Variants in EPS15 observed in about 807,000 individuals in gnomAD.
EPS15 encodes the protein epidermal growth factor receptor substrate 15.
A neutral mutation model predicts 113.8 loss-of-function variants in EPS15; 72 were observed. The observed-to-expected ratio is 0.63, with a 90% CI of 0.52 to 0.77. EPS15 has a LOEUF of 0.77. Among genes scored for constraint, EPS15 ranks in the 30% least tolerant of loss-of-function variants. EPS15 has a pLI of 0.00. For synonymous variants in EPS15, 344 were observed against 363.4 expected (o/e 0.95, Z 0.61); for missense variants, 1,048 against 1,045.8 (o/e 1.00, Z -0.03).
At chr1:51,496,387 C>G (rs914303577) in intron 1 of EPS15, among the ~76,000 whole-genome samples, 2 of 152,176 alleles carry the variant, frequency 1.3e-5, no homozygotes, top group African/African-American at 4.8e-5. Flanking sequence ...TGATAACACT[C>G]AGAGAAGTAT....
chr1:51,418,297 C>T (rs1486965988), intron 13 of EPS15, among the ~76,000 whole-genome samples: 1 of 152,008 alleles, frequency 6.6e-6, no homozygotes, highest in East Asian at 1.9e-4. Context: ...TCTGTCTGTC[C>T]ATCTGTCCTT....
chr1:51,408,452 A>T, intron 14 of EPS15, 120 bp from the exon 15 acceptor site: 1 of 677,030 alleles, frequency 1.5e-6, no homozygotes, highest in Non-Finnish European at 2.5e-6. Flanking sequence ...TTTTGACAGC[A>T]ATAGCAAATA....
intron 8 of EPS15, among the ~76,000 whole-genome samples, chr1:51,457,227 CAGTG>C (rs901995080): frequency 6.6e-6 from 1 of 152,038 alleles, no homozygotes; most frequent in African/African-American, 2.4e-5. Context: ...GCGGAGCTTG[CAGTG>C]AGCTGAGATC....
At chr1:51,449,599 T>C (rs1293605744) in intron 8 of EPS15, among the ~76,000 whole-genome samples, 2 of 151,776 alleles carry the variant, frequency 1.3e-5, no homozygotes, top group African/African-American at 4.9e-5. Context: ...TCATTGTTCT[T>C]TGTTAAAGAT....
intron 10 of EPS15, 85 bp from the exon 11 acceptor site, chr1:51,445,130 A>C (rs1652913530): frequency 1.6e-6 from 2 of 1,270,772 alleles, no homozygotes; most frequent in African/African-American, 3.0e-5. Context: ...CAGCTTTTTT[A>C]AAATAATGAG....
At chr1:51,403,266 T>C (rs571192544) in intron 17 of EPS15, among the ~76,000 whole-genome samples, 153 bp downstream of exon 17, 1 of 152,326 alleles carries the variant, frequency 6.6e-6, no homozygotes, top group East Asian at 1.9e-4. Context: ...TTTTGTTACA[T>C]GGCTATATTG....
rs1168660825 is a variant in EPS15, at chr1:51,465,469, C to A, written c.310-143G>T. ...AGGACACTATTTTACATTTACTAGACCATCTAAATAACAATGAAACAAAGT... is the reference window on the plus strand; with the variant it reads ...AGGACACTATTTTACATTTACTAGAACATCTAAATAACAATGAAACAAAGT... On this transcript the variant is annotated intron_variant, in intron 5 of 24. Coordinates refer to ENST00000371733, the MANE Select transcript of EPS15 (RefSeq NM_001981.3). 5.9e-6 allele frequency: 3 copies of A among 505,412 alleles called. No individual in the cohort carries two copies. The Admixed American group carries it at 1.1e-4, about 19-fold the overall frequency. The allele number at this position is 505,412 out of a possible 1,614,324, so 31.3% of individuals were successfully genotyped here.
chr1:51,468,623 C>T (rs1261103879), intron 4 of EPS15, 55 bp from the exon 5 acceptor site: 8 of 1,092,346 alleles, frequency 7.3e-6, no homozygotes, highest in South Asian at 3.9e-5. Context: ...AACTTACCTA[C>T]CTGCACAAAT....
chr1:51,469,481 C>G (rs1192580203), intron 4 of EPS15, among the ~76,000 whole-genome samples: 1 of 152,166 alleles, frequency 6.6e-6, no homozygotes, highest in Admixed American at 6.6e-5. Context: ...TGCAAAGAAG[C>G]TGAAGCAACT....
At chr1:51,516,248 G>C (rs183386708) in intron 1 of EPS15, among the ~76,000 whole-genome samples, 2 of 152,334 alleles carry the variant, frequency 1.3e-5, no homozygotes, top group Admixed American at 1.3e-4. Flanking sequence ...AAGGTCCTTA[G>C]ATCAGCTAAT....
chr1:51,451,505 A>AAAAAAAAAGAAAGAAAGAAAG (rs763389428), intron 8 of EPS15, among the ~76,000 whole-genome samples: 1 of 147,558 alleles, frequency 6.8e-6, no homozygotes, highest in African/African-American at 2.5e-5. Context: ...AAAAAAAAAA[A>AAAAAAAAAGAAAGAAAGAAAG]AAAGAAAGAA....
intron 13 of EPS15, among the ~76,000 whole-genome samples, chr1:51,419,227 C>CT (rs1446409085): frequency 6.6e-6 from 1 of 152,070 alleles, no homozygotes; most frequent in African/African-American, 2.4e-5. Context: ...CTCATACAAG[C>CT]TAACAGTGAT....
At chr1:51,503,122 C>T (rs537026923) in intron 1 of EPS15, among the ~76,000 whole-genome samples, 27 of 151,648 alleles carry the variant, frequency 1.8e-4, no homozygotes, top group African/African-American at 5.8e-4. Context: ...AACTACAAGA[C>T]ACTGAACAAA....
intron 20 of EPS15, among the ~76,000 whole-genome samples, chr1:51,398,155 G>A (rs890660480): frequency 6.6e-6 from 1 of 151,366 alleles, no homozygotes; most frequent in African/African-American, 2.4e-5. Context: ...CCGGGTTCAC[G>A]CCATTCTCCT....
rs111778001 is a variant in EPS15 at position 51,490,480 on chromosome 1, G to A, written c.34-9166C>T. ...CTCGGGAGGCTGAGGCAGGAGAATC[G>A]CTTGAACCCGGGAGGCAGAGGTTGC... On this transcript the variant is annotated intron_variant, in intron 1 of 24. Transcript: ENST00000371733. 5.7e-3 allele frequency: 1,308 copies of A among 229,708 alleles called. 19 individuals are homozygous for A. Among genetic ancestry groups the A allele is most frequent in the African/African-American group, 0.029 (1,178 of 40,936 alleles). The allele number at this position is 229,708 out of a possible 1,614,324, so 14.2% of individuals were successfully genotyped here. A position where few individuals can be genotyped will look rare whatever the true frequency, so the allele number is the denominator to read the frequency against.
At chr1:51,447,920 C>T in intron 9 of EPS15, 126 bp downstream of exon 9, 10 of 1,377,356 alleles carry the variant, frequency 7.3e-6, no homozygotes, top group Non-Finnish European at 9.5e-6. Context: ...TCCTTTAACA[C>T]TGATAAATCT....
intron 21 of EPS15, 171 bp downstream of exon 21, chr1:51,394,210 A>G (rs1483072579): frequency 4.2e-6 from 2 of 471,218 alleles, no homozygotes; most frequent in African/African-American, 2.0e-5. Context: ...AGAATGAAAG[A>G]TAAGTAGAAA....
intron 1 of EPS15, among the ~76,000 whole-genome samples, chr1:51,485,854 A>G (rs1448680082): frequency 1.3e-5 from 2 of 151,896 alleles, no homozygotes; most frequent in Non-Finnish European, 1.5e-5. Context: ...GTGGAGTGCA[A>G]TGGCACTATC....
At chr1:51,401,596 A>G (rs886327866) in intron 18 of EPS15, among the ~76,000 whole-genome samples, 1 of 152,260 alleles carries the variant, frequency 6.6e-6, no homozygotes, top group African/African-American at 2.4e-5. Context: ...CACAAGTGAC[A>G]GAAGAAAAAA....
Sources: allele counts gnomAD v4.1 joint callset (sites outside exome capture counted in the v4.1 genomes callset), GRCh38; gene constraint gnomAD v4.1.1; transcripts MANE v1.5; gene names NCBI Gene and HGNC (gene_info 2026-07-23, HGNC 2026-07-21).